Variants in TSKU observed in about 807,000 individuals in gnomAD.
TSKU encodes tsukushi.
TSKU carries 4 observed loss-of-function variants against 11.2 expected under a neutral mutation model. That is an observed-to-expected ratio of 0.36 (90% CI 0.18 to 0.82). The LOEUF (loss-of-function observed/expected upper bound fraction) is 0.82. Ranked by LOEUF, TSKU falls within the 40% of genes least tolerant of loss-of-function variation. TSKU has a pLI of 0.50. For missense variants in TSKU, 407 were observed against 482.5 expected (o/e 0.84, Z 1.47); for synonymous variants, 220 against 232.2 (o/e 0.95, Z 0.48).
Position 76,797,074 on chromosome 11 carries a change from G to A in TSKU, c.*396G>A, listed in dbSNP as rs1313880720. 5.3e-6 allele frequency: 1 copy of A among 187,170 alleles called. No homozygotes were observed. The highest frequency in any genetic ancestry group is 6.3e-5 in the Admixed American group (1 of 15,854). 11.6% of individuals were successfully genotyped at this position (187,170 alleles called of 1,614,324 possible). A position where few individuals can be genotyped will look rare whatever the true frequency, so the allele number is the denominator to read the frequency against. On this transcript the variant is annotated 3_prime_UTR_variant, in exon 2 of 2. Transcript: ENST00000333090. ...TCCACTGGGCTGAGTGTCCCCTTGG[G>A]CCCATGGCCCAGTCACTCAGGGGCG...
chr11:76,797,593 A>C lies in TSKU; in HGVS notation c.*915A>C, dbSNP rs1358915445. The C allele has an allele frequency of 6.0e-6, 1 of 167,092 alleles. No individual in the cohort carries two copies. The highest frequency in any genetic ancestry group is 6.5e-5 in the Admixed American group (1 of 15,286). 10.4% of individuals were successfully genotyped at this position (167,092 alleles called of 1,614,324 possible). On this transcript the variant is annotated 3_prime_UTR_variant, in exon 2 of 2. Coordinates refer to ENST00000333090, the MANE Select transcript of TSKU (RefSeq NM_015516.4). ...GGGTCCCCCAGCATCCAGACTGGAA[A>C]CCTACCCATTTTCCCCTGAGCATCC... is the stretch of plus-strand genomic sequence containing the variant.
chr11:76,796,075 GCA>G lies in TSKU; in HGVS notation c.462_463del (p.His154GlnfsTer90). ...REVSVSAFTT[H>X]SQGRALHVDL... ...AGGTCTCAGTGTCTGCCTTCACGAC[GCA>G]CAGTCAGGGCCGGGCACTACACGTG... On this transcript the variant is annotated frameshift_variant, in exon 2 of 2. Transcript: ENST00000333090. LOFTEE classifies it high-confidence loss of function. This position sits in a 1 kb window ranked among gnomAD's most constrained non-coding sequence, Gnocchi z 4.1. The G allele has an allele frequency of 6.2e-7, 1 of 1,613,992 alleles. No individual in the cohort carries two copies. Among genetic ancestry groups the G allele is most frequent in the Non-Finnish European group, 8.5e-7 (1 of 1,180,024 alleles).
chr11:76,786,633 C>G (rs1051084106), intron 1 of TSKU, among the ~76,000 whole-genome samples: 3 of 152,122 alleles, frequency 2.0e-5, no homozygotes, highest in Non-Finnish European at 4.4e-5. Flanking sequence ...CAGCAGGTCT[C>G]TTGAGCCTGA....
At position 76,795,907 on chromosome 11, in the gene TSKU, C is replaced by T. The variant is rs775951692; in HGVS notation, c.291C>T (p.Thr97=). ...AGLDLSHNLL[T]SISPTAFSRL... ...TGGATCTCAGCCACAACCTGCTCAC[C>T]AGCATCTCACCCACTGCCTTCTCCC... Residue 97 remains threonine, a synonymous_variant, in exon 2 of 2, where the codon ACC becomes ACT. Coordinates refer to ENST00000333090, the MANE Select transcript of TSKU (RefSeq NM_015516.4). 3.7e-6 allele frequency: 6 copies of T among 1,613,958 alleles called. No individual in the cohort carries two copies. The South Asian group carries it at 4.4e-5, about 12-fold the overall frequency.
intron 1 of TSKU, among the ~76,000 whole-genome samples, chr11:76,786,917 C>A (rs1390586271): frequency 6.6e-6 from 1 of 152,158 alleles, no homozygotes; most frequent in East Asian, 1.9e-4. Flanking sequence ...GTGGATTCTT[C>A]TCCATCTTCA....
At position 76,790,038 on chromosome 11, in the gene TSKU, G is replaced by A. The variant is rs1045542185; in HGVS notation, c.-8-5571G>A. On this transcript the variant is annotated intron_variant, in intron 1 of 1. Transcript: ENST00000333090. ...TCTATCCCATCACCACCCACCCCCC[G>A]CCCCCCACTCCCTCCTGGCCTAGCC... Among the ~76,000 whole-genome samples the A allele has an allele frequency of 2.1e-4, 22 of 102,474 alleles. No homozygotes were observed. The South Asian group carries it at 2.5e-3, about 12-fold the overall frequency. The allele number at this position is 102,474 out of a possible 152,430, so 67.2% of individuals were successfully genotyped here. A position where few individuals can be genotyped will look rare whatever the true frequency, so the allele number is the denominator to read the frequency against.
intron 1 of TSKU, among the ~76,000 whole-genome samples, chr11:76,785,640 G>A (rs1944304235): frequency 1.3e-5 from 2 of 152,220 alleles, no homozygotes; most frequent in Non-Finnish European, 2.9e-5. Flanking sequence ...TTGAGGCTGG[G>A]AAGGCAGGGA....
chr11:76,790,788 G>C (rs557081788), intron 1 of TSKU, among the ~76,000 whole-genome samples: 1 of 152,258 alleles, frequency 6.6e-6, no homozygotes, highest in African/African-American at 2.4e-5. Context: ...CATGAAAAAG[G>C]ACTAATACAG....
intron 1 of TSKU, chr11:76,792,404 ATGAGT>A (rs1944384114): frequency 6.6e-6 from 1 of 152,224 alleles, no homozygotes; most frequent in Non-Finnish European, 1.5e-5. Context: ...TAATACTGAA[ATGAGT>A]TAAGACTTTG....
intron 1 of TSKU, among the ~76,000 whole-genome samples, chr11:76,794,545 A>G (rs1565128530): frequency 6.6e-6 from 1 of 152,154 alleles, no homozygotes; most frequent in Non-Finnish European, 1.5e-5. Flanking sequence ...CCTGCATTTT[A>G]CTAGTTTGGG....
rs1475645576 is a variant in TSKU at position 76,795,553 on chromosome 11, G to A, written c.-8-56G>A. The A allele has an allele frequency of 6.4e-6, 10 of 1,561,546 alleles. No individual in the cohort carries two copies. The South Asian group carries it at 7.1e-5, about 11-fold the overall frequency. Reference sequence around the variant, plus strand: ...TGTCTAGACTGGGCTCATGTCCTGTGTGGTGGCTTTAGACCATCTGGTGCA... The same window carrying A: ...TGTCTAGACTGGGCTCATGTCCTGTATGGTGGCTTTAGACCATCTGGTGCA... On this transcript the variant is annotated intron_variant, in intron 1 of 1. Coordinates refer to ENST00000333090, the MANE Select transcript of TSKU (RefSeq NM_015516.4).
chr11:76,794,227 A>G (rs899779735), intron 1 of TSKU, among the ~76,000 whole-genome samples: 2 of 152,204 alleles, frequency 1.3e-5, no homozygotes, highest in African/African-American at 4.8e-5. Flanking sequence ...TGCTGGCACC[A>G]CTGAGCACCA....
chr11:76,784,693 C>T (rs1171135047), intron 1 of TSKU, among the ~76,000 whole-genome samples: 1 of 144,038 alleles, frequency 6.9e-6, no homozygotes, highest in Admixed American at 7.1e-5. Context: ...CATCTTTGTG[C>T]GCCCTGCCCT....
At chr11:76,783,660 A>T (rs1944268503) in intron 1 of TSKU, among the ~76,000 whole-genome samples, 1 of 152,108 alleles carries the variant, frequency 6.6e-6, no homozygotes, top group Non-Finnish European at 1.5e-5. Context: ...TTGTGCGGAC[A>T]CGTGCATCTC....
chr11:76,784,666 A>G (rs1292704068), intron 1 of TSKU, among the ~76,000 whole-genome samples: 1 of 141,018 alleles, frequency 7.1e-6, no homozygotes, highest in African/African-American at 2.6e-5. Context: ...GTGACTCAAG[A>G]CCTTCGATTC....
At chr11:76,790,695 C>T (rs1944360231) in intron 1 of TSKU, among the ~76,000 whole-genome samples, 2 of 152,202 alleles carry the variant, frequency 1.3e-5, no homozygotes, top group Admixed American at 1.3e-4. Flanking sequence ...GTGAGACCTT[C>T]CCCGGCCACG....
chr11:76,788,860 ACAT>A (rs1401499273), intron 1 of TSKU, among the ~76,000 whole-genome samples: 1 of 152,242 alleles, frequency 6.6e-6, no homozygotes, highest in Non-Finnish European at 1.5e-5. Flanking sequence ...AGCTGCTTAC[ACAT>A]CAAGTAGGAA....
At chr11:76,783,648 CTT>C (rs1944268353) in intron 1 of TSKU, among the ~76,000 whole-genome samples, 1 of 152,180 alleles carries the variant, frequency 6.6e-6, no homozygotes, top group South Asian at 2.1e-4. Context: ...CCGTGTGGGT[CTT>C]TGTGCGGACA....
chr11:76,785,867 C>T (rs983498596), intron 1 of TSKU, among the ~76,000 whole-genome samples: 1 of 152,152 alleles, frequency 6.6e-6, no homozygotes, highest in Non-Finnish European at 1.5e-5. Context: ...ATTTTACTCC[C>T]ACCCCATTGC....
Sources: gnomAD v4.1 joint callset for allele counts (sites outside exome capture counted in the v4.1 genomes callset) on GRCh38, gnomAD v4.1.1 for gene constraint, Gnocchi (gnomAD v3.1) non-coding constraint, MANE v1.5 for transcripts, NCBI Gene and HGNC (gene_info 2026-07-23, HGNC 2026-07-21) for gene names.